The following GUCY1A2 variants were observed in gnomAD, a reference collection of about 807,000 sequenced individuals.
The protein encoded by GUCY1A2 is guanylate cyclase 1 soluble subunit alpha 2, also known as guanylate cyclase soluble subunit alpha-2.
In GUCY1A2, 27 loss-of-function variants were observed where a neutral mutation model predicts 63.5. The ratio of observed to expected loss-of-function variants is 0.43; its 90% CI spans 0.31 to 0.59. The LOEUF is 0.59. GUCY1A2 is among the 20% of genes least tolerant of loss of function. The pLI is 0.11. For synonymous variants in GUCY1A2, 364 were observed against 343.5 expected (o/e 1.06, Z -0.66); for missense variants, 768 against 913.3 (o/e 0.84, Z 2.05).
At position 106,882,481 on chromosome 11, in the gene GUCY1A2, A is replaced by G. The variant is rs140939959; in HGVS notation, c.1206+56979T>C. On this transcript the variant is annotated intron_variant, in intron 4 of 7. Transcript: ENST00000526355. Reference sequence around the variant, plus strand: ...ACTGGGGTGGAGGGTGAAAGAGAGAAGAAAGAGGAAAAAAAGTTTGAACAA... The same window carrying G: ...ACTGGGGTGGAGGGTGAAAGAGAGAGGAAAGAGGAAAAAAAGTTTGAACAA... Among the ~76,000 whole-genome samples the G allele has an allele frequency of 2.8e-3, 421 of 152,142 alleles. 1 individual carries two copies. Among genetic ancestry groups the G allele is most frequent in the African/African-American group, 9.5e-3 (396 of 41,562 alleles).
chr11:106,755,736 T>G (rs1279247648), intron 6 of GUCY1A2, among the ~76,000 whole-genome samples: 1 of 152,214 alleles, frequency 6.6e-6, no homozygotes, highest in African/African-American at 2.4e-5. Context: ...TTCTGTTCTT[T>G]CACATTTCCT....
chr11:106,948,340 T>C (rs1860858457), intron 3 of GUCY1A2, among the ~76,000 whole-genome samples: 1 of 152,146 alleles, frequency 6.6e-6, no homozygotes, highest in Non-Finnish European at 1.5e-5. Flanking sequence ...TAAATCATCA[T>C]GACCAAGTAG....
chr11:106,894,644 A>C (rs2135480379), intron 4 of GUCY1A2, among the ~76,000 whole-genome samples: 1 of 152,328 alleles, frequency 6.6e-6, no homozygotes, highest in Middle Eastern at 3.4e-3. Flanking sequence ...AGGTAGCTAA[A>C]AAATCCCCAA....
chr11:106,692,010 T>A (rs750123948), intron 7 of GUCY1A2, among the ~76,000 whole-genome samples: 8 of 152,110 alleles, frequency 5.3e-5, no homozygotes, highest in Non-Finnish European at 1.0e-4. Context: ...ATATGAGTCA[T>A]GGTGCTGAAA....
chr11:107,010,465 G>T (rs1240136139), intron 1 of GUCY1A2, among the ~76,000 whole-genome samples: 1 of 152,118 alleles, frequency 6.6e-6, no homozygotes, highest in Admixed American at 6.5e-5. Context: ...ATAAATGGAC[G>T]ACTCAAAGAG....
At chr11:106,922,815 A>T (rs1213977117) in intron 4 of GUCY1A2, among the ~76,000 whole-genome samples, 3 of 151,436 alleles carry the variant, frequency 2.0e-5, no homozygotes, top group African/African-American at 7.3e-5. Context: ...GTCATTTCAC[A>T]TGTATACTCC....
At chr11:106,830,650 T>G (rs61902968) in intron 4 of GUCY1A2, among the ~76,000 whole-genome samples, 3 of 152,218 alleles carry the variant, frequency 2.0e-5, no homozygotes, top group Non-Finnish European at 4.4e-5. Flanking sequence ...TTCTTCAGCT[T>G]TGGGACTCAG....
intron 5 of GUCY1A2, 128 bp downstream of exon 5, chr11:106,809,865 T>A: frequency 1.6e-6 from 1 of 608,872 alleles, no homozygotes; most frequent in Middle Eastern, 4.6e-4. Flanking sequence ...ACCTGTATTA[T>A]CTATAAAATT....
At chr11:106,877,566 C>T (rs1859766963) in intron 4 of GUCY1A2, among the ~76,000 whole-genome samples, 1 of 151,992 alleles carries the variant, frequency 6.6e-6, no homozygotes, top group Non-Finnish European at 1.5e-5. Flanking sequence ...GGATAACTGG[C>T]TACCCATACA....
chr11:106,820,493 G>A (rs1858887236), intron 4 of GUCY1A2, among the ~76,000 whole-genome samples: 1 of 152,124 alleles, frequency 6.6e-6, no homozygotes, highest in Admixed American at 6.6e-5. Context: ...CTCCCTCCCA[G>A]GTTCAAATGA....
At chr11:106,725,583 C>T (rs532526770) in intron 6 of GUCY1A2, among the ~76,000 whole-genome samples, 11 of 151,958 alleles carry the variant, frequency 7.2e-5, no homozygotes, top group South Asian at 2.1e-4. Flanking sequence ...AATTTAATCA[C>T]GTAAAGTTAT....
chr11:106,691,192 C>T lies in GUCY1A2; in HGVS notation c.1992-3436G>A, dbSNP rs547684404. On this transcript the variant is annotated intron_variant, in intron 7 of 7. Transcript: ENST00000526355. ...TTGTAAATAGTCCTCTGAATGGAGA[C>T]GAGTAAGTGGGGACTTGCAGAATAA... 4.0e-5 allele frequency among the ~76,000 whole-genome samples: 6 copies of T among 151,780 alleles called. No individual in the cohort carries two copies. The East Asian group carries it at 9.7e-4, about 24-fold the overall frequency.
At chr11:106,948,623 C>T (rs921746666) in intron 3 of GUCY1A2, among the ~76,000 whole-genome samples, 2 of 152,082 alleles carry the variant, frequency 1.3e-5, no homozygotes, top group Non-Finnish European at 2.9e-5. Flanking sequence ...AGTATGCTTG[C>T]TATCATCGTT....
intron 4 of GUCY1A2, among the ~76,000 whole-genome samples, chr11:106,935,007 C>T (rs1015215137): frequency 1.3e-5 from 2 of 152,146 alleles, no homozygotes; most frequent in Non-Finnish European, 2.9e-5. Context: ...AAACTCGATT[C>T]CAAACCTTCA....
intron 6 of GUCY1A2, among the ~76,000 whole-genome samples, chr11:106,743,058 CTT>C (rs1863723991): frequency 6.6e-6 from 1 of 152,102 alleles, no homozygotes; most frequent in African/African-American, 2.4e-5. Context: ...TAAGAGTAGT[CTT>C]TTATTCCTTC....
intron 5 of GUCY1A2, 31 bp downstream of exon 5, chr11:106,809,962 C>T (rs1021072117): frequency 7.2e-7 from 1 of 1,396,390 alleles, no homozygotes; most frequent in Non-Finnish European, 9.8e-7. Flanking sequence ...TATTAAAAAA[C>T]ATTTATATGT....
intron 4 of GUCY1A2, among the ~76,000 whole-genome samples, chr11:106,880,301 G>A (rs552764680): frequency 6.6e-6 from 1 of 152,142 alleles, no homozygotes; most frequent in African/African-American, 2.4e-5. Context: ...CATACAGGGA[G>A]ATTAAGGCCT....
intron 6 of GUCY1A2, among the ~76,000 whole-genome samples, chr11:106,722,293 G>T (rs1329821554): frequency 2.6e-5 from 4 of 151,628 alleles, no homozygotes; most frequent in Admixed American, 6.6e-5. Context: ...CTGCTTGTCA[G>T]ATTATTCCAA....
At chr11:106,787,033 T>A (rs909250573) in intron 5 of GUCY1A2, among the ~76,000 whole-genome samples, 5 of 152,164 alleles carry the variant, frequency 3.3e-5, no homozygotes, top group African/African-American at 1.2e-4. Flanking sequence ...CAAAAGTAAA[T>A]CCTGTGACCC....
Sources: allele counts gnomAD v4.1 joint callset (sites outside exome capture counted in the v4.1 genomes callset), GRCh38; gene constraint gnomAD v4.1.1; transcripts MANE v1.5; gene names NCBI Gene and HGNC (gene_info 2026-07-23, HGNC 2026-07-21).